ALOXE3: variants seen among roughly 807,000 people sequenced by gnomAD.
ALOXE3 encodes the protein hydroperoxide isomerase ALOXE3.
A neutral mutation model predicts 87.5 loss-of-function variants in ALOXE3; 78 were observed. The observed-to-expected ratio is 0.89, with a 90% CI of 0.74 to 1.08. The LOEUF is 1.08. Ranked by LOEUF, ALOXE3 falls within the 50% of genes least tolerant of loss-of-function variation. The pLI, the probability that ALOXE3 is intolerant of heterozygous loss-of-function variation, is 0.00. For missense variants in ALOXE3, 946 were observed against 912.4 expected, an observed-to-expected ratio of 1.04 and a Z score of -0.47; for synonymous variants, 363 against 370.8, an observed-to-expected ratio of 0.98 and a Z score of 0.24.
intron 2 of ALOXE3, 56 bp from the exon 3 acceptor site, chr17:8,117,036 T>C: frequency 6.6e-7 from 1 of 1,520,020 alleles, no homozygotes; most frequent in Non-Finnish European, 9.0e-7. Context: ...AAGGCGGTCC[T>C]TGCGCCTTGC....
At chr17:8,107,916 A>G (rs1598204662) in intron 13 of ALOXE3, among the ~76,000 whole-genome samples, 1 of 7,206 alleles carries the variant, frequency 1.4e-4, no homozygotes, top group South Asian at 2.7e-3. Context: ...AAAGAAAGAA[A>G]GAAAGAAAGA....
chr17:8,116,339 A>G (rs1259840483), intron 3 of ALOXE3, among the ~76,000 whole-genome samples: 1 of 152,142 alleles, frequency 6.6e-6, no homozygotes, highest in Non-Finnish European at 1.5e-5. Flanking sequence ...GACCTCATCC[A>G]CACTAGAAAA....
intron 15 of ALOXE3, among the ~76,000 whole-genome samples, chr17:8,101,918 G>A (rs971430408): frequency 6.6e-6 from 1 of 152,166 alleles, no homozygotes; most frequent in Non-Finnish European, 1.5e-5. Flanking sequence ...GGGATTGCAG[G>A]CACGAGCCAC....
chr17:8,096,329 A>C lies in ALOXE3; in HGVS notation c.*298T>G. 2.8e-6 allele frequency: 1 copy of C among 359,134 alleles called. No individual in the cohort carries two copies. The highest frequency in any genetic ancestry group is 5.1e-6 in the Non-Finnish European group (1 of 195,244). 22.2% of individuals were successfully genotyped at this position (359,134 alleles called of 1,614,324 possible). On this transcript the variant is annotated 3_prime_UTR_variant, in exon 16 of 16. Coordinates refer to ENST00000448843, the MANE Select transcript of ALOXE3 (RefSeq NM_021628.3). Reference sequence around the variant, plus strand: ...AAGCTGGGCATTCCAAGAGGCTGGAACAAGAGGCTGCCCCAAGTGGGGCAA... The same window carrying C: ...AAGCTGGGCATTCCAAGAGGCTGGACCAAGAGGCTGCCCCAAGTGGGGCAA...
chr17:8,109,878 C>CG, intron 11 of ALOXE3, 38 bp downstream of exon 11: 1 of 1,535,176 alleles, frequency 6.5e-7, no homozygotes, highest in Admixed American at 2.0e-5. Flanking sequence ...AAAGCGTCTT[C>CG]GGGGGCGGAG....
intron 3 of ALOXE3, 105 bp from the exon 4 acceptor site, chr17:8,115,793 A>ATGTT: frequency 8.8e-7 from 1 of 1,140,500 alleles, no homozygotes; most frequent in Non-Finnish European, 1.3e-6. Flanking sequence ...CGACAGCCAC[A>ATGTT]TCCCTGTGAA....
chr17:8,104,037 C>CA, intron 14 of ALOXE3, 78 bp downstream of exon 14: 1 of 1,325,490 alleles, frequency 7.5e-7, no homozygotes, highest in Non-Finnish European at 1.1e-6. Context: ...CTGACCCACC[C>CA]AAGCTCTCAA....
chr17:8,114,883 C>G (rs144951329), intron 5 of ALOXE3, 55 bp downstream of exon 5: 1 of 1,611,872 alleles, frequency 6.2e-7, no homozygotes, highest in Non-Finnish European at 8.5e-7. Flanking sequence ...CCCATCCTCC[C>G]GACAGACCTT....
chr17:8,115,746 A>G (rs1980528071), intron 3 of ALOXE3, 58 bp from the exon 4 acceptor site: 2 of 1,549,238 alleles, frequency 1.3e-6, no homozygotes, highest in African/African-American at 2.7e-5. Flanking sequence ...CATCTTCTGC[A>G]AACCTTGCCT....
chr17:8,109,642 T>C (rs1979837983), intron 11 of ALOXE3, among the ~76,000 whole-genome samples: 1 of 132,712 alleles, frequency 7.5e-6, no homozygotes. Flanking sequence ...GAGGCTGCCC[T>C]GCCTGTGGAC....
rs1003544498 is a variant in ALOXE3, at chr17:8,109,303, C to G, written c.1433G>C (p.Ser478Thr). Reference protein sequence around the residue: ...IGRQGLIYLMSTGLAHFTYTN... With the variant: ...IGRQGLIYLMTTGLAHFTYTN... The stretch of plus-strand genomic sequence containing the variant: ...GTAGGTGAAGTGGGCCAGGCCCGTG[C>G]TCATGAGGTAGATGAGGCCTTGCCT... Residue 478 changes from serine (S) to threonine (T), a missense_variant, in exon 12 of 16, where the codon AGC (serine) becomes ACC (threonine). By Grantham distance (58) the Ser-to-Thr change is moderately conservative. Coordinates refer to ENST00000448843, the MANE Select transcript of ALOXE3 (RefSeq NM_021628.3). 2 of 1,614,084 alleles carry G rather than the reference C, an allele frequency of 1.2e-6. No individual in the cohort carries two copies. The highest frequency in any genetic ancestry group is 1.7e-6 in the Non-Finnish European group (2 of 1,180,046).
chr17:8,115,722 C>T, intron 3 of ALOXE3, 34 bp from the exon 4 acceptor site: 2 of 1,590,380 alleles, frequency 1.3e-6, no homozygotes, highest in Non-Finnish European at 1.7e-6. Context: ...TGGTATAAGT[C>T]TCTTTTCCAA....
At position 8,115,824 on chromosome 17, in the gene ALOXE3, G is replaced by A. The variant is rs1005137812; in HGVS notation, c.353-136C>T. On this transcript the variant is annotated intron_variant, in intron 3 of 15. Transcript: ENST00000448843. ...GTGAAACACGTGGCGGTGCCCCCACGTTCTTTGTGTATTCATCAGTAGAAG... is the reference window on the plus strand; with the variant it reads ...GTGAAACACGTGGCGGTGCCCCCACATTCTTTGTGTATTCATCAGTAGAAG... The A allele has an allele frequency of 2.3e-5, 18 of 799,484 alleles. 2 individuals carry two copies. Among genetic ancestry groups the A allele is most frequent in the South Asian group, 1.0e-4 (7 of 68,732 alleles). The allele number at this position is 799,484 out of a possible 1,614,324, so 49.5% of individuals were successfully genotyped here.
chr17:8,109,391 C>T, intron 11 of ALOXE3, 48 bp from the exon 12 acceptor site: 2 of 1,603,512 alleles, frequency 1.2e-6, no homozygotes, highest in African/African-American at 1.3e-5. Flanking sequence ...AATCCCCACC[C>T]TAGTGTCTGG....
At chr17:8,097,896 T>C (rs1200246600) in intron 15 of ALOXE3, among the ~76,000 whole-genome samples, 1 of 151,066 alleles carries the variant, frequency 6.6e-6, no homozygotes, top group East Asian at 2.0e-4. Context: ...TACAGGTGCC[T>C]GCCACCATGC....
At chr17:8,115,182 A>G in intron 4 of ALOXE3, 125 bp from the exon 5 acceptor site, 1 of 1,340,898 alleles carries the variant, frequency 7.5e-7, no homozygotes, top group Non-Finnish European at 1.1e-6. Flanking sequence ...GTGACAAGGA[A>G]TTGGACATTT....
At chr17:8,118,541 C>A, upstream of ALOXE3, 1 of 1,528,636 alleles carries the variant, frequency 6.5e-7, no homozygotes, top group Non-Finnish European at 8.8e-7. Flanking sequence ...GAGAGTTGCA[C>A]TTGGTCATAA....
intron 15 of ALOXE3, among the ~76,000 whole-genome samples, chr17:8,101,121 G>A (rs545244077): frequency 5.3e-5 from 8 of 151,462 alleles, no homozygotes; most frequent in East Asian, 1.9e-4. Context: ...TCTGCCTCCC[G>A]GGTTTAAGTG....
intron 13 of ALOXE3, among the ~76,000 whole-genome samples, chr17:8,107,905 GAAA>G (rs1354174914): frequency 5.3e-3 from 28 of 5,284 alleles, no homozygotes; most frequent in Admixed American, 6.9e-3. Flanking sequence ...AAGAAAGAAA[GAAA>G]GAAAGAAAGA....
Sources: gnomAD v4.1 joint callset for allele counts (sites outside exome capture counted in the v4.1 genomes callset) on GRCh38, gnomAD v4.1.1 for gene constraint, MANE v1.5 for transcripts, NCBI Gene and HGNC (gene_info 2026-07-23, HGNC 2026-07-21) for gene names.